The following SEMA3A variants were observed in gnomAD, a reference collection of about 807,000 sequenced individuals.
SEMA3A encodes the protein semaphorin-3A.
A neutral mutation model predicts 97.9 loss-of-function variants in SEMA3A; 29 were observed. That is an observed-to-expected ratio of 0.30 (90% CI 0.22 to 0.40). The LOEUF is 0.40. Among genes scored for constraint, SEMA3A ranks in the 10% least tolerant of loss-of-function variants. The pLI, the probability that SEMA3A is intolerant of heterozygous loss-of-function variation, is 1.00. For synonymous variants in SEMA3A, 321 were observed against 323.7 expected, an observed-to-expected ratio of 0.99 and a Z score of 0.09; for missense variants, 763 against 951.3, an observed-to-expected ratio of 0.80 and a Z score of 2.60.
At chr7:84,147,545 T>TGA (rs1796499045) in intron 1 of SEMA3A, among the ~76,000 whole-genome samples, 2 of 152,160 alleles carry the variant, frequency 1.3e-5, no homozygotes, top group Non-Finnish European at 2.9e-5. Flanking sequence ...CACTTAGACA[T>TGA]ACTCAAGGAT....
At chr7:84,027,981 C>A (rs1339649589) in intron 6 of SEMA3A, among the ~76,000 whole-genome samples, 1 of 152,120 alleles carries the variant, frequency 6.6e-6, no homozygotes, top group East Asian at 1.9e-4. Flanking sequence ...TTATTGACGT[C>A]ATCAAAATAC....
At chr7:84,342,149 C>A (rs1412837426) in intron 2 of SEMA3A, among the ~76,000 whole-genome samples, 2 of 152,104 alleles carry the variant, frequency 1.3e-5, no homozygotes, top group African/African-American at 2.4e-5. Context: ...GATTCTCCTG[C>A]CTCAGCCTCC....
In SEMA3A at chr7:84,473,141, GGTGTGTGTGT is replaced by G. The variant is rs61623414; in HGVS notation, c.-246+19309_-246+19318del. ...TTGGGCTTAATGGGAAAAAAGAAAT[GGTGTGTGTGT>G]GTGTGTGTGTGTGTGTGTGTGTGAA... On this transcript the variant is annotated intron_variant, in intron 1 of 3. Coordinates refer to the SEMA3A transcript ENST00000424555. 3.4e-4 allele frequency among the ~76,000 whole-genome samples: 48 copies of G among 141,516 alleles called. 1 individual carries two copies. Among genetic ancestry groups the G allele is most frequent in the Non-Finnish European group, 5.6e-4 (36 of 64,588 alleles). 92.8% of individuals were successfully genotyped at this position (141,516 alleles called of 152,430 possible).
chr7:84,339,894 G>C (rs1032787927), intron 2 of SEMA3A, among the ~76,000 whole-genome samples: 9 of 151,848 alleles, frequency 5.9e-5, no homozygotes, highest in African/African-American at 1.7e-4. Flanking sequence ...AAAATTTCAA[G>C]CTCATAAAAC....
intron 3 of SEMA3A, among the ~76,000 whole-genome samples, chr7:84,224,357 GTTAA>G (rs1238548588): frequency 6.6e-6 from 1 of 151,948 alleles, no homozygotes; most frequent in African/African-American, 2.4e-5. Flanking sequence ...ATATTACAGT[GTTAA>G]TTGTGTTCTC....
At chr7:84,365,489 CTT>C (rs35708792) in intron 2 of SEMA3A, among the ~76,000 whole-genome samples, 43,076 of 150,830 alleles carry the variant, frequency 0.29, 6,558 homozygotes, top group African/African-American at 0.38. Context: ...CCTCATCTCT[CTT>C]TGTCTCCAAA....
In SEMA3A at chr7:83,999,158, G is replaced by GT. The variant is rs555464713; in HGVS notation, c.1452+2796dup. On this transcript the variant is annotated intron_variant, in intron 12 of 16. Transcript: ENST00000265362. The stretch of plus-strand genomic sequence containing the variant: ...TAATCTTATGGGACCACTGTCATAT[G>GT]TGGGATTTATTCTTGTCCATAATGT... Among the ~76,000 whole-genome samples the GT allele has an allele frequency of 9.9e-5, 15 of 152,250 alleles. No individual in the cohort carries two copies. In the South Asian group the frequency reaches 3.1e-3, roughly 32 times the overall value.
intron 4 of SEMA3A, among the ~76,000 whole-genome samples, chr7:84,078,379 A>C (rs1794027393): frequency 6.6e-6 from 1 of 152,058 alleles, no homozygotes; most frequent in Admixed American, 6.6e-5. Flanking sequence ...ATTTTTAAAA[A>C]AGCTATTACT....
At chr7:84,061,660 G>C (rs1413232555) in intron 4 of SEMA3A, among the ~76,000 whole-genome samples, 3 of 151,812 alleles carry the variant, frequency 2.0e-5, no homozygotes, top group Non-Finnish European at 4.4e-5. Flanking sequence ...GGATCATTTT[G>C]TTTAACATTT....
intron 12 of SEMA3A, among the ~76,000 whole-genome samples, chr7:83,992,930 C>A (rs1790027682): frequency 7.1e-6 from 1 of 141,684 alleles, no homozygotes; most frequent in South Asian, 2.4e-4. Flanking sequence ...TTAAAGTCTC[C>A]CATTACTAAT....
intron 1 of SEMA3A, among the ~76,000 whole-genome samples, chr7:84,429,056 C>T (rs1471387151): frequency 6.6e-6 from 1 of 151,886 alleles, no homozygotes; most frequent in Non-Finnish European, 1.5e-5. Context: ...GTTCATGTTC[C>T]AACACAAAAG....
intron 3 of SEMA3A, among the ~76,000 whole-genome samples, chr7:84,201,040 A>C (rs765126773): frequency 3.3e-5 from 5 of 152,070 alleles, no homozygotes; most frequent in Non-Finnish European, 7.4e-5. Flanking sequence ...TCACTGAATA[A>C]ATAAATAAAT....
intron 2 of SEMA3A, among the ~76,000 whole-genome samples, chr7:84,361,929 A>G (rs1562919719): frequency 6.6e-6 from 1 of 151,906 alleles, no homozygotes. Flanking sequence ...TTCTATTTCT[A>G]TGATAGTTTT....
At chr7:84,424,939 A>ATT (rs1562943202) in intron 1 of SEMA3A, among the ~76,000 whole-genome samples, 7 of 97,106 alleles carry the variant, frequency 7.2e-5, no homozygotes, top group African/African-American at 3.3e-4. Context: ...ATTTATATAA[A>ATT]TATATATTTA....
At chr7:84,478,369 G>C (rs540891480) in intron 1 of SEMA3A, among the ~76,000 whole-genome samples, 1 of 152,056 alleles carries the variant, frequency 6.6e-6, no homozygotes, top group African/African-American at 2.4e-5. Flanking sequence ...TTCACCCCAA[G>C]GATTAGTCAT....
In SEMA3A at chr7:84,272,676, A is replaced by G. The variant is rs552182793; in HGVS notation, c.-83+34531T>C. 3.9e-5 allele frequency among the ~76,000 whole-genome samples: 6 copies of G among 152,166 alleles called. No individual in the cohort carries two copies. In the East Asian group the frequency reaches 1.2e-3, roughly 29 times the overall value. Reference sequence around the variant, plus strand: ...GAGACTAGATTACAAAGTCCAGTGCAAAAAGAGATTTTCCCACACTTCCAC... The same window carrying G: ...GAGACTAGATTACAAAGTCCAGTGCGAAAAGAGATTTTCCCACACTTCCAC... On this transcript the variant is annotated intron_variant, in intron 3 of 3. Coordinates refer to the SEMA3A transcript ENST00000424555.
chr7:84,207,812 C>A (rs1384899715), intron 3 of SEMA3A, among the ~76,000 whole-genome samples: 1 of 151,994 alleles, frequency 6.6e-6, no homozygotes, highest in Non-Finnish European at 1.5e-5. Flanking sequence ...AGGCGGGTTT[C>A]CCTGCAATTG....
chr7:84,200,217 T>G (rs1039643196), intron 3 of SEMA3A, among the ~76,000 whole-genome samples: 2 of 152,142 alleles, frequency 1.3e-5, no homozygotes, highest in Non-Finnish European at 2.9e-5. Context: ...TTTATGATAC[T>G]TTAAGGTAAA....
At chr7:84,020,035 C>CTTTTTTTTTTTTTTCTTT (rs1791264417) in intron 6 of SEMA3A, among the ~76,000 whole-genome samples, 1 of 58,250 alleles carries the variant, frequency 1.7e-5, no homozygotes, top group Non-Finnish European at 3.1e-5. Flanking sequence ...TTTTTTCTTT[C>CTTTTTTTTTTTTTTCTTT]TTTTTTTTTT....
Sources: allele counts gnomAD v4.1 joint callset (sites outside exome capture counted in the v4.1 genomes callset), GRCh38; gene constraint gnomAD v4.1.1; transcripts MANE v1.5; gene names NCBI Gene and HGNC (gene_info 2026-07-23, HGNC 2026-07-21).